The following TENM3 variants were observed in gnomAD, a reference collection of about 807,000 sequenced individuals.
TENM3 encodes the protein teneurin transmembrane protein 3.
Under a neutral mutation model 255.1 loss-of-function variants are expected in TENM3, and 63 were observed. That is an observed-to-expected ratio of 0.25 (90% CI 0.20 to 0.30). TENM3 has a LOEUF of 0.30. Ranked by LOEUF, TENM3 falls within the 10% of genes least tolerant of loss-of-function variation. The pLI, the probability that TENM3 is intolerant of heterozygous loss-of-function variation, is 1.00. For synonymous variants in TENM3, 1,306 were observed against 1,322.3 expected (o/e 0.99, Z 0.27); for missense variants, 2,929 against 3,461.1 (o/e 0.85, Z 3.86).
the TENM3 span, among the ~76,000 whole-genome samples, chr4:181,689,228 T>G: frequency 6.6e-6 from 1 of 152,234 alleles, no homozygotes; most frequent in African/African-American, 2.4e-5. Context: ...CGGGATTATA[T>G]GCCAGCATTT....
chr4:181,908,339 T>C, the TENM3 span, among the ~76,000 whole-genome samples: 1 of 152,234 alleles, frequency 6.6e-6, no homozygotes, highest in Non-Finnish European at 1.5e-5. Flanking sequence ...TTTTGGTTTG[T>C]GGCTTTTAAA....
the TENM3 span, among the ~76,000 whole-genome samples, chr4:181,662,389 T>A: frequency 2.0e-5 from 3 of 152,226 alleles, no homozygotes; most frequent in Non-Finnish European, 4.4e-5. Flanking sequence ...CTTTAATGTG[T>A]GTTGATTATT....
chr4:182,650,919 TATATAA>T (rs1156787357), intron 5 of TENM3, among the ~76,000 whole-genome samples: 1,260 of 7,768 alleles, frequency 0.16, 26 homozygotes, highest in African/African-American at 0.32. Flanking sequence ...TATATATATA[TATATAA>T]AACAAAGCTG....
At chr4:182,262,882 TG>T (rs1200884361) in intron 1 of TENM3, among the ~76,000 whole-genome samples, 2 of 151,856 alleles carry the variant, frequency 1.3e-5, no homozygotes, top group Non-Finnish European at 2.9e-5. Flanking sequence ...CCCGGCTAAT[TG>T]TTTGTATTTT....
At chr4:182,066,460 C>T in the TENM3 span, among the ~76,000 whole-genome samples, 2 of 151,858 alleles carry the variant, frequency 1.3e-5, no homozygotes, top group South Asian at 2.1e-4. Flanking sequence ...GCCACAGCCT[C>T]GATGTGTGGC....
the TENM3 span, among the ~76,000 whole-genome samples, chr4:181,486,979 A>G: frequency 1.3e-5 from 2 of 152,216 alleles, no homozygotes; most frequent in Non-Finnish European, 2.9e-5. Flanking sequence ...GTGACTCATT[A>G]TGGATGGAAT....
At chr4:182,177,621 T>G (rs1283725525) in intron 1 of TENM3, among the ~76,000 whole-genome samples, 1 of 151,288 alleles carries the variant, frequency 6.6e-6, no homozygotes, top group Non-Finnish European at 1.5e-5. Context: ...TATATTTTTT[T>G]TTTTTTTGCT....
the TENM3 span, among the ~76,000 whole-genome samples, chr4:181,862,914 A>C: frequency 1.3e-5 from 2 of 152,164 alleles, no homozygotes; most frequent in Non-Finnish European, 2.9e-5. Context: ...GTTCTCACTG[A>C]AGTTATTGAT....
At chr4:182,533,255 A>G (rs1178228709) in intron 3 of TENM3, among the ~76,000 whole-genome samples, 1 of 152,214 alleles carries the variant, frequency 6.6e-6, no homozygotes, top group Non-Finnish European at 1.5e-5. Context: ...ATCTATTCTT[A>G]AAATTACATC....
At chr4:182,684,139 G>T (rs1049139288) in intron 11 of TENM3, among the ~76,000 whole-genome samples, 3 of 151,338 alleles carry the variant, frequency 2.0e-5, no homozygotes, top group African/African-American at 7.3e-5. Flanking sequence ...TTCATCAAAA[G>T]AAGAGGAAAA....
chr4:182,556,234 A>G (rs187207032), intron 3 of TENM3, among the ~76,000 whole-genome samples: 2 of 152,270 alleles, frequency 1.3e-5, no homozygotes, highest in East Asian at 3.9e-4. Context: ...CTCCAATAAC[A>G]TTTACTTCGG....
intron 3 of TENM3, among the ~76,000 whole-genome samples, chr4:182,582,379 A>G (rs187335541): frequency 6.6e-6 from 1 of 152,102 alleles, no homozygotes; most frequent in Non-Finnish European, 1.5e-5. Context: ...ATTTTTTCCC[A>G]CTTGTGAAAC....
the TENM3 span, among the ~76,000 whole-genome samples, chr4:181,835,682 T>C: frequency 3.3e-5 from 5 of 152,220 alleles, no homozygotes; most frequent in Non-Finnish European, 5.9e-5. Context: ...TCCAGTTATT[T>C]AATGAAGAAC....
At chr4:182,796,615 A>G (rs1198124926) in intron 26 of TENM3, 22 bp from the exon 27 acceptor site, 1 of 1,583,100 alleles carries the variant, frequency 6.3e-7, no homozygotes, top group Non-Finnish European at 8.6e-7. Context: ...AACACCTTTC[A>G]TTCTGAACAT....
the TENM3 span, among the ~76,000 whole-genome samples, chr4:181,797,825 A>T: frequency 6.6e-6 from 1 of 152,164 alleles, no homozygotes; most frequent in Non-Finnish European, 1.5e-5. Flanking sequence ...CGTCGCCTTG[A>T]CAATAATGTG....
At chr4:181,863,860 C>T in the TENM3 span, among the ~76,000 whole-genome samples, 1 of 152,128 alleles carries the variant, frequency 6.6e-6, no homozygotes, top group Non-Finnish European at 1.5e-5. Context: ...TAACAATCAA[C>T]ATATTATAAT....
intron 3 of TENM3, among the ~76,000 whole-genome samples, chr4:182,471,194 G>T (rs907865215): frequency 1.3e-5 from 2 of 152,190 alleles, no homozygotes; most frequent in African/African-American, 2.4e-5. Flanking sequence ...GATAATGCAA[G>T]AACATTCAGA....
At chr4:182,757,400 T>G (rs937182087) in intron 22 of TENM3, among the ~76,000 whole-genome samples, 20 of 146,956 alleles carry the variant, frequency 1.4e-4, no homozygotes, top group Admixed American at 9.6e-4. Context: ...GGGGGAAACA[T>G]AGAGAAATAA....
chr4:182,398,027 C>T (rs758051609), intron 3 of TENM3, among the ~76,000 whole-genome samples: 2 of 152,096 alleles, frequency 1.3e-5, no homozygotes, highest in Non-Finnish European at 2.9e-5. Context: ...TAGAGAAGTA[C>T]TTTGAGTCCT....
Sources: gnomAD v4.1 joint callset for allele counts (sites outside exome capture counted in the v4.1 genomes callset) on GRCh38, gnomAD v4.1.1 for gene constraint, MANE v1.5 for transcripts, NCBI Gene and HGNC (gene_info 2026-07-23, HGNC 2026-07-21) for gene names.